The following FLT4 variants were observed in gnomAD, a reference collection of about 807,000 sequenced individuals.
The protein encoded by FLT4 is vascular endothelial growth factor receptor 3.
A neutral mutation model predicts 163.2 loss-of-function variants in FLT4; 30 were observed. The ratio of observed to expected loss-of-function variants is 0.18; its 90% CI spans 0.14 to 0.25. The LOEUF is 0.25. Ranked by LOEUF, FLT4 falls within the 10% of genes least tolerant of loss-of-function variation. The pLI is 1.00. For missense variants in FLT4, 1,510 were observed against 1,863.8 expected (o/e 0.81, Z 3.50); for synonymous variants, 884 against 789.5 (o/e 1.12, Z -2.01).
At chr5:180,627,305 C>CG (rs551224754) in intron 8 of FLT4, among the ~76,000 whole-genome samples, 2 of 152,048 alleles carry the variant, frequency 1.3e-5, no homozygotes, top group African/African-American at 2.4e-5. Flanking sequence ...AGCAGGGGCC[C>CG]GGGGGGAGTG....
Position 180,628,274 on chromosome 5 carries a change from C to A in FLT4, c.1103+608G>T, listed in dbSNP as rs1049538109. On this transcript the variant is annotated intron_variant, in intron 8 of 29. Coordinates refer to ENST00000261937, the MANE Select transcript of FLT4 (RefSeq NM_182925.5). Reference sequence around the variant, plus strand: ...GGACGTGTTTGTGAGGGGTGCCATGCCCCCCCAGAGCCTGCAGGGAGTAGC... The same window carrying A: ...GGACGTGTTTGTGAGGGGTGCCATGACCCCCCAGAGCCTGCAGGGAGTAGC... Among the ~76,000 whole-genome samples the A allele has an allele frequency of 7.2e-5, 11 of 152,140 alleles. 1 individual carries two copies. Among genetic ancestry groups the A allele is most frequent in the Non-Finnish European group, 1.0e-4 (7 of 67,990 alleles).
At chr5:180,642,036 A>G (rs530348365) in intron 1 of FLT4, among the ~76,000 whole-genome samples, 118 of 152,116 alleles carry the variant, frequency 7.8e-4, no homozygotes, top group South Asian at 2.7e-3. Context: ...GTGAAACCCC[A>G]TCTCTACTAA....
At chr5:180,648,777 C>T (rs1319821972) in intron 1 of FLT4, among the ~76,000 whole-genome samples, 32 of 152,226 alleles carry the variant, frequency 2.1e-4, no homozygotes, top group Admixed American at 2.1e-3. Flanking sequence ...GGGACCCTCC[C>T]GCGGGGGCCT....
intron 1 of FLT4, among the ~76,000 whole-genome samples, chr5:180,646,287 C>T (rs1439136702): frequency 6.6e-6 from 1 of 152,180 alleles, no homozygotes; most frequent in Non-Finnish European, 1.5e-5. Context: ...CTGCTACCTG[C>T]CTCCACCCCA....
intron 29 of FLT4, among the ~76,000 whole-genome samples, chr5:180,605,267 CTA>C (rs1218114424): frequency 3.9e-5 from 6 of 152,214 alleles, no homozygotes; most frequent in African/African-American, 1.2e-4. Context: ...CTGGCCGAAT[CTA>C]TCTTTTATTT....
chr5:180,639,582 T>C (rs1311735661), intron 1 of FLT4, among the ~76,000 whole-genome samples: 1 of 151,574 alleles, frequency 6.6e-6, no homozygotes, highest in African/African-American at 2.4e-5. Context: ...GGTTAGATGG[T>C]TGGATGGATG....
intron 1 of FLT4, among the ~76,000 whole-genome samples, chr5:180,642,901 T>A (rs1302680524): frequency 6.6e-6 from 1 of 152,204 alleles, no homozygotes; most frequent in Non-Finnish European, 1.5e-5. Flanking sequence ...CCGAGCACTG[T>A]CCATGTGAAG....
intron 1 of FLT4, among the ~76,000 whole-genome samples, chr5:180,638,371 G>A (rs913851766): frequency 6.6e-6 from 1 of 152,146 alleles, no homozygotes; most frequent in Non-Finnish European, 1.5e-5. Context: ...CCGTTGGCCA[G>A]ACCACTGAAG....
chr5:180,609,613 C>T (rs2127788288), intron 28 of FLT4: 2 of 430,908 alleles, frequency 4.6e-6, no homozygotes, highest in South Asian at 2.1e-5. Context: ...ACTGACCAGG[C>T]CCGGGACCCC....
chr5:180,620,890 C>A lies in FLT4; in HGVS notation c.2285G>T (p.Ser762Ile), dbSNP rs781389093. The A allele has an allele frequency of 8.7e-6, 14 of 1,609,742 alleles. No individual in the cohort carries two copies. Among genetic ancestry groups the A allele is most frequent in the Non-Finnish European group, 1.7e-6 (2 of 1,178,630 alleles). The change falls in exon 15 of 30, where the codon AGC (serine) becomes ATC (isoleucine). Residue 762 changes from serine (S) to isoleucine (I), a missense_variant. Physicochemically the swap from Ser to Ile is moderately radical, Grantham distance 142. Around this residue, in one of 5 missense-constraint regions of FLT4, gnomAD observed 878 missense variants for 1,016.7 expected, o/e 0.86. Transcript: ENST00000261937. The surrounding 1 kb of genome is among the most constrained non-coding windows in gnomAD (Gnocchi z 4.4). Reference sequence around the variant, plus strand: ...TGAGGCCAGACCTTCCACGGCCACGCTGGCGGAGGAGTTGACGCAGCCCTT... The same window carrying A: ...TGAGGCCAGACCTTCCACGGCCACGATGGCGGAGGAGTTGACGCAGCCCTT... ...NAKGCVNSSASVAVEGSEDKG... is the reference protein window; with the variant it reads ...NAKGCVNSSAIVAVEGSEDKG...
chr5:180,635,078 G>A (rs182789184), intron 1 of FLT4, among the ~76,000 whole-genome samples: 76 of 2,376 alleles, frequency 0.032, 20 homozygotes, highest in African/African-American at 0.052. Flanking sequence ...GTATGGGTGG[G>A]AGGGTGGGTG....
intron 7 of FLT4, 73 bp downstream of exon 7, chr5:180,629,186 G>C: frequency 6.3e-7 from 1 of 1,578,518 alleles, no homozygotes; most frequent in Non-Finnish European, 8.7e-7. Context: ...CTGGACTCCT[G>C]AGTGCTCAAG....
intron 7 of FLT4, 81 bp downstream of exon 7, chr5:180,629,178 G>T (rs1042606471): frequency 1.3e-6 from 2 of 1,565,420 alleles, no homozygotes; most frequent in African/African-American, 2.7e-5. Flanking sequence ...CCCTCTGGCT[G>T]GACTCCTGAG....
rs1019978799 is a variant in FLT4, at chr5:180,621,867, G to C, written c.1695C>G (p.Ser565=). ...CCGGCTGGCCCTCTAGTAGCTCCTC[G>C]GATGGCTTGGATTCGATGGTGAAGC... is the stretch of plus-strand genomic sequence containing the variant. The part of the protein sequence containing the change: ...PDGFTIESKP[S]EELLEGQPVL... Residue 565 remains serine, a synonymous_variant, in exon 13 of 30, where the codon TCC becomes TCG. Transcript: ENST00000261937. 1.9e-6 allele frequency: 3 copies of C among 1,613,462 alleles called. No individual in the cohort carries two copies. Among genetic ancestry groups the C allele is most frequent in the African/African-American group, 2.7e-5 (2 of 75,038 alleles).
chr5:180,626,280 G>A lies in FLT4; in HGVS notation c.1104-15C>T, dbSNP rs746650761. 1.2e-6 allele frequency: 2 copies of A among 1,610,572 alleles called. No homozygotes were observed. Among genetic ancestry groups the A allele is most frequent in the South Asian group, 2.2e-5 (2 of 91,082 alleles). ...CATCCTTGTACCTGGCCAGGGAAGG[G>A]AGGTCAGGGCCCATACAGATCCCAC... is the stretch of plus-strand genomic sequence containing the variant. On this transcript the variant is annotated splice_polypyrimidine_tract_variant and intron_variant, in intron 8 of 29. Coordinates refer to ENST00000261937, the MANE Select transcript of FLT4 (RefSeq NM_182925.5).
intron 11 of FLT4, 106 bp from the exon 12 acceptor site, chr5:180,622,945 G>C (rs1763281931): frequency 2.6e-6 from 2 of 767,462 alleles, no homozygotes; most frequent in Admixed American, 2.0e-5. Context: ...CCAATCATGG[G>C]GGAAACTGAG....
intron 12 of FLT4, 48 bp from the exon 13 acceptor site, chr5:180,621,952 C>T (rs1214438653): frequency 6.2e-7 from 1 of 1,606,962 alleles, no homozygotes; most frequent in East Asian, 2.2e-5. Flanking sequence ...GGAGTTTGCT[C>T]CCCCATCCAC....
In FLT4 at chr5:180,625,978, G is replaced by A. The variant is rs2127827152; in HGVS notation, c.1312C>T (p.His438Tyr). The change falls in exon 10 of 30, where the codon CAC becomes TAC. Residue 438 changes from histidine (H) to tyrosine (Y), a missense_variant. His to Tyr is a moderately conservative substitution (Grantham distance 83, BLOSUM62 2). This residue lies in a region of FLT4 where 878 missense variants were observed against 1,016.7 expected (regional missense o/e 0.86). Transcript: ENST00000261937. The stretch of plus-strand genomic sequence containing the variant: ...GTGCAGGTGAGGGCCTGGCGGCTGT[G>A]ACGCGAGTAGATGCTGGGGGAGGAG... ...EASSPSIYSR[H>Y]SRQALTCTAY... 1 of 1,612,780 alleles carries A rather than the reference G, an allele frequency of 6.2e-7. No individual in the cohort carries two copies.
rs375404037 is a variant in FLT4 at position 180,619,809 on chromosome 5, G to A, written c.2543-40C>T. On this transcript the variant is annotated intron_variant, in intron 17 of 29. Transcript: ENST00000261937. The stretch of plus-strand genomic sequence containing the variant: ...GGCCAGTTGCAGGTGAGCTGTACGG[G>A]GTGAGCGTGGAGACAGGTGGGCGGC... 55 of 1,489,764 alleles carry A rather than the reference G, an allele frequency of 3.7e-5. No homozygotes were observed. In the African/African-American group the frequency reaches 5.8e-4, roughly 16 times the overall value. The allele number at this position is 1,489,764 out of a possible 1,614,324, so 92.3% of individuals were successfully genotyped here. A position where few individuals can be genotyped will look rare whatever the true frequency, so the allele number is the denominator to read the frequency against.
Sources: allele counts gnomAD v4.1 joint callset (sites outside exome capture counted in the v4.1 genomes callset), GRCh38; gene constraint gnomAD v4.1.1; regional missense constraint gnomAD v4.1.1; non-coding constraint Gnocchi (gnomAD v3.1); transcripts MANE v1.5; gene names NCBI Gene and HGNC (gene_info 2026-07-23, HGNC 2026-07-21).